Variants in SUGCT observed in about 807,000 individuals in gnomAD.
The protein encoded by SUGCT is succinyl-CoA:glutarate-CoA transferase, also known as succinyl-CoA:glutarate CoA-transferase.
A neutral mutation model predicts 55.0 loss-of-function variants in SUGCT; 41 were observed. That is an observed-to-expected ratio of 0.74 (90% CI 0.58 to 0.97). The LOEUF is 0.97. Among genes scored for constraint, SUGCT ranks in the 50% least tolerant of loss-of-function variants. SUGCT has a pLI of 0.00. For synonymous variants in SUGCT, 187 were observed against 200.4 expected (o/e 0.93, Z 0.56); for missense variants, 568 against 547.8 (o/e 1.04, Z -0.37).
At chr7:40,450,600 C>T (rs1789135718) in intron 10 of SUGCT, among the ~76,000 whole-genome samples, 2 of 151,918 alleles carry the variant, frequency 1.3e-5, no homozygotes, top group South Asian at 2.1e-4. Flanking sequence ...CAAGGTGAAA[C>T]CCTGTCTCTA....
intron 12 of SUGCT, among the ~76,000 whole-genome samples, chr7:40,731,597 G>T (rs1786891022): frequency 1.3e-5 from 2 of 151,964 alleles, no homozygotes; most frequent in Middle Eastern, 3.4e-3. Flanking sequence ...CATTTACATG[G>T]TGCATACCCA....
the SUGCT span, among the ~76,000 whole-genome samples, chr7:40,956,647 T>C: frequency 6.7e-6 from 1 of 149,898 alleles, no homozygotes; most frequent in African/African-American, 2.5e-5. Context: ...TCTTAGTTAT[T>C]TGTTGTCTTC....
In SUGCT at chr7:40,860,510, G is replaced by T. The variant is rs939663113; in HGVS notation, c.*31G>T. 1.9e-6 allele frequency: 3 copies of T among 1,594,120 alleles called. No homozygotes were observed. The African/African-American group carries it at 4.0e-5, about 21-fold the overall frequency. Reference sequence around the variant, plus strand: ...GAAAAGGGCTCTTCCTCATAACCTCGATCCGAATACACTGGCAAAGGCAAC... The same window carrying T: ...GAAAAGGGCTCTTCCTCATAACCTCTATCCGAATACACTGGCAAAGGCAAC... On this transcript the variant is annotated 3_prime_UTR_variant, in exon 14 of 14. Transcript: ENST00000335693.
At chr7:40,648,543 G>A (rs1176038376) in intron 12 of SUGCT, among the ~76,000 whole-genome samples, 1 of 152,184 alleles carries the variant, frequency 6.6e-6, no homozygotes, top group African/African-American at 2.4e-5. Context: ...CTGTGAATGT[G>A]AGCTCACTTG....
intron 6 of SUGCT, among the ~76,000 whole-genome samples, chr7:40,230,457 C>T (rs1788653842): frequency 6.6e-6 from 1 of 152,152 alleles, no homozygotes; most frequent in Non-Finnish European, 1.5e-5. Context: ...ATTAGAATTA[C>T]AAATTCGAAA....
intron 12 of SUGCT, among the ~76,000 whole-genome samples, chr7:40,662,690 C>T (rs1174833296): frequency 1.3e-5 from 2 of 152,196 alleles, no homozygotes; most frequent in Non-Finnish European, 2.9e-5. Context: ...CTCAAGAAAT[C>T]TTGCATGACT....
intron 6 of SUGCT, among the ~76,000 whole-genome samples, chr7:40,227,274 C>G (rs946729617): frequency 6.6e-6 from 1 of 151,930 alleles, no homozygotes; most frequent in Non-Finnish European, 1.5e-5. Context: ...GTCTGGAACT[C>G]CTGACCTCAA....
intron 9 of SUGCT, among the ~76,000 whole-genome samples, chr7:40,405,247 C>T (rs2151329217): frequency 6.6e-6 from 1 of 152,230 alleles, no homozygotes; most frequent in Middle Eastern, 3.4e-3. Context: ...TATACAGTGA[C>T]CTTATCCCTA....
chr7:40,660,988 G>A (rs1801273983), intron 12 of SUGCT, among the ~76,000 whole-genome samples: 1 of 152,012 alleles, frequency 6.6e-6, no homozygotes, highest in Admixed American at 6.6e-5. Context: ...TGTCTACTTG[G>A]CGCCACACCT....
At chr7:40,440,141 G>A (rs1177949340) in intron 9 of SUGCT, among the ~76,000 whole-genome samples, 1 of 115,248 alleles carries the variant, frequency 8.7e-6, no homozygotes, top group Non-Finnish European at 1.7e-5. Context: ...GTCTGTGTGT[G>A]TGTGTTTTTT....
intron 11 of SUGCT, among the ~76,000 whole-genome samples, chr7:40,482,895 A>G (rs908428475): frequency 6.6e-6 from 1 of 152,212 alleles, no homozygotes; most frequent in Non-Finnish European, 1.5e-5. Flanking sequence ...CTTGAGATTG[A>G]AAGCAGTGCC....
At chr7:40,470,176 T>C (rs1329435502) in intron 11 of SUGCT, among the ~76,000 whole-genome samples, 2 of 151,962 alleles carry the variant, frequency 1.3e-5, no homozygotes, top group Non-Finnish European at 1.5e-5. Flanking sequence ...GAATCTGGAG[T>C]TTGACTCAGT....
chr7:40,448,920 A>G lies in SUGCT; in HGVS notation c.817-367A>G, dbSNP rs577039386. Among the ~76,000 whole-genome samples the G allele has an allele frequency of 7.7e-3, 1,069 of 138,132 alleles. 14 individuals are homozygous for G. The highest frequency in any genetic ancestry group is 0.029 in the African/African-American group (941 of 32,734). The allele number at this position is 138,132 out of a possible 152,430, so 90.6% of individuals were successfully genotyped here. ...TAGACACATATGTGTGTGTGTGTGT[A>G]TATATGTGTGTGTGTGTGTGTGTGT... On this transcript the variant is annotated intron_variant, in intron 9 of 13. Transcript: ENST00000335693.
the SUGCT span, among the ~76,000 whole-genome samples, chr7:40,916,617 A>G: frequency 6.6e-6 from 1 of 152,230 alleles, no homozygotes; most frequent in Non-Finnish European, 1.5e-5. Flanking sequence ...TCTCTTTCTG[A>G]ATCAGTAAGC....
intron 9 of SUGCT, among the ~76,000 whole-genome samples, chr7:40,448,181 G>C (rs896865256): frequency 6.6e-6 from 1 of 151,116 alleles, no homozygotes; most frequent in African/African-American, 2.4e-5. Context: ...AAGCAATGTA[G>C]CTCCATGAGG....
At chr7:40,503,577 G>A (rs940339580) in intron 12 of SUGCT, among the ~76,000 whole-genome samples, 10 of 152,112 alleles carry the variant, frequency 6.6e-5, no homozygotes, top group Admixed American at 2.0e-4. Flanking sequence ...AATAAGAGGA[G>A]AAAGGGAGAC....
the SUGCT span, among the ~76,000 whole-genome samples, chr7:40,917,933 C>T: frequency 5.3e-5 from 8 of 152,092 alleles, no homozygotes; most frequent in African/African-American, 1.9e-4. Context: ...GTTAGGACTT[C>T]ACCATATATA....
intron 12 of SUGCT, among the ~76,000 whole-genome samples, chr7:40,552,816 T>A (rs1435384453): frequency 8.4e-6 from 1 of 119,046 alleles, no homozygotes; most frequent in Non-Finnish European, 1.6e-5. Flanking sequence ...GTTGTATTAA[T>A]CAATTGGTTC....
chr7:40,219,013 G>A (rs1276675580), intron 6 of SUGCT, among the ~76,000 whole-genome samples: 1 of 152,092 alleles, frequency 6.6e-6, no homozygotes, highest in Non-Finnish European at 1.5e-5. Context: ...TCACTCTTTG[G>A]GTCCGCACTA....
Sources: gnomAD v4.1 joint callset for allele counts (sites outside exome capture counted in the v4.1 genomes callset) on GRCh38, gnomAD v4.1.1 for gene constraint, MANE v1.5 for transcripts, NCBI Gene and HGNC (gene_info 2026-07-23, HGNC 2026-07-21) for gene names.